The following PNPLA3 variants were observed in gnomAD, a reference collection of about 807,000 sequenced individuals.
PNPLA3 encodes 1-acylglycerol-3-phosphate O-acyltransferase PNPLA3.
Under a neutral mutation model 43.1 loss-of-function variants are expected in PNPLA3, and 42 were observed. The observed-to-expected ratio is 0.97, with a 90% CI of 0.76 to 1.26. PNPLA3 has a LOEUF of 1.26. Ranked by LOEUF, PNPLA3 falls within the 50% of genes most tolerant of loss-of-function variation. The probability of loss-of-function intolerance (pLI) is 0.00; values close to 1 mark genes in which losing one functional copy is unlikely to be tolerated. For synonymous variants in PNPLA3, 272 were observed against 253.6 expected (o/e 1.07, Z -0.69); for missense variants, 647 against 621.4 (o/e 1.04, Z -0.44).
At chr22:43,929,599 C>CTTT (rs201016637) in intron 3 of PNPLA3, among the ~76,000 whole-genome samples, 1 of 128,752 alleles carries the variant, frequency 7.8e-6, no homozygotes, top group African/African-American at 2.9e-5. Context: ...TTTTTCTTTT[C>CTTT]TTTTTTTTTT....
intron 3 of PNPLA3, 99 bp from the exon 4 acceptor site, chr22:43,932,779 G>A: frequency 9.5e-7 from 1 of 1,050,972 alleles, no homozygotes; most frequent in Non-Finnish European, 1.5e-6. Context: ...CCTGTTTGTG[G>A]CTCTGAGAAG....
chr22:43,926,456 A>G (rs905926886), intron 1 of PNPLA3, among the ~76,000 whole-genome samples: 15 of 152,108 alleles, frequency 9.9e-5, no homozygotes, highest in Non-Finnish European at 1.5e-4. Flanking sequence ...CCTGGCCTCT[A>G]TGTGGGGCAT....
At chr22:43,925,804 G>T (rs2049918349) in intron 1 of PNPLA3, among the ~76,000 whole-genome samples, 1 of 152,224 alleles carries the variant, frequency 6.6e-6, no homozygotes, top group African/African-American at 2.4e-5. Flanking sequence ...TCCCAAGGTG[G>T]CCTGTGGACA....
At chr22:43,932,768 G>A (rs1276790008) in intron 3 of PNPLA3, 110 bp from the exon 4 acceptor site, 4 of 915,666 alleles carry the variant, frequency 4.4e-6, no homozygotes, top group Non-Finnish European at 7.0e-6. Flanking sequence ...CTCCATATCA[G>A]CCTGTTTGTG....
chr22:43,925,470 G>A (rs1331114809), intron 1 of PNPLA3, among the ~76,000 whole-genome samples: 2 of 152,134 alleles, frequency 1.3e-5, no homozygotes, highest in African/African-American at 4.8e-5. Context: ...CCAGGCAGGA[G>A]ATTATGCCCC....
intron 8 of PNPLA3, among the ~76,000 whole-genome samples, chr22:43,945,312 C>A (rs1237853529): frequency 1.3e-5 from 2 of 152,178 alleles, no homozygotes; most frequent in African/African-American, 2.4e-5. Context: ...GGGGTGAAGC[C>A]TAGCAGTCTG....
rs758998325 is a variant in PNPLA3 at position 43,923,901 on chromosome 22, C to T, written c.-11C>T. The T allele has an allele frequency of 1.0e-5, 15 of 1,507,440 alleles. No homozygotes were observed. The Admixed American group carries it at 2.9e-4, about 29-fold the overall frequency. 93.4% of individuals were successfully genotyped at this position (1,507,440 alleles called of 1,614,324 possible). A position where few individuals can be genotyped will look rare whatever the true frequency, so the allele number is the denominator to read the frequency against. On this transcript the variant is annotated 5_prime_UTR_variant, in exon 1 of 9. Transcript: ENST00000216180. ...GATCCTAACCCGCGCCCCCGCCCCG[C>T]CGCCGCCGCCATGTACGACGCAGAG... is the stretch of plus-strand genomic sequence containing the variant.
chr22:43,942,346 G>A (rs1603417291), intron 7 of PNPLA3, among the ~76,000 whole-genome samples: 2 of 152,260 alleles, frequency 1.3e-5, no homozygotes, highest in East Asian at 1.9e-4. Context: ...GGAAGAAAAC[G>A]TTTGACTTTA....
chr22:43,931,886 C>T (rs183491545), intron 3 of PNPLA3, among the ~76,000 whole-genome samples: 1 of 152,296 alleles, frequency 6.6e-6, no homozygotes, highest in African/African-American at 2.4e-5. Context: ...GGAAATGTTG[C>T]TGTGTAAACT....
intron 2 of PNPLA3, 61 bp downstream of exon 2, chr22:43,927,228 G>A (rs2094925082): frequency 2.0e-6 from 3 of 1,493,840 alleles, no homozygotes; most frequent in Non-Finnish European, 2.8e-6. Flanking sequence ...GATGGGTGTG[G>A]TGGCTCATGC....
At chr22:43,944,931 T>C in intron 8 of PNPLA3, 136 bp downstream of exon 8, 2 of 744,626 alleles carry the variant, frequency 2.7e-6, no homozygotes, top group East Asian at 2.6e-5. Context: ...CCCTGTCTCA[T>C]GGGAGGCAGC....
At chr22:43,935,072 C>T (rs1003590235) in intron 5 of PNPLA3, among the ~76,000 whole-genome samples, 2 of 152,170 alleles carry the variant, frequency 1.3e-5, no homozygotes, top group African/African-American at 2.4e-5. Context: ...TCAGATTTCT[C>T]ATCTCCAGTC....
In PNPLA3 at chr22:43,928,107, A is replaced by T. The variant is rs557175848; in HGVS notation, c.421-717A>T. ...ACCAAAACACCATTAAATTCAGCTG[A>T]TGCTTTCATAAGCGCTCCTTGGAGG... On this transcript the variant is annotated intron_variant, in intron 2 of 8. Coordinates refer to ENST00000216180, the MANE Select transcript of PNPLA3 (RefSeq NM_025225.3). Among the ~76,000 whole-genome samples the T allele has an allele frequency of 1.7e-3, 259 of 152,340 alleles. 1 individual carries two copies. The highest frequency in any genetic ancestry group is 2.9e-3 in the Non-Finnish European group (196 of 68,034).
rs146578673 is a variant in PNPLA3, at chr22:43,947,300, G to A, written c.*918G>A. ...CTTGAACCCAGGAGGCGGAGGTTGC[G>A]GTGAGCTGAGATTGCACCATTTCAT... On this transcript the variant is annotated 3_prime_UTR_variant, in exon 9 of 9. Coordinates refer to ENST00000216180, the MANE Select transcript of PNPLA3 (RefSeq NM_025225.3). 210 of 153,222 alleles carry A rather than the reference G, an allele frequency of 1.4e-3. No homozygotes were observed. Among genetic ancestry groups the A allele is most frequent in the Non-Finnish European group, 2.4e-3 (168 of 68,982 alleles). 9.5% of individuals were successfully genotyped at this position (153,222 alleles called of 1,614,324 possible).
chr22:43,924,498 G>C (rs2049908673), intron 1 of PNPLA3, among the ~76,000 whole-genome samples: 2 of 152,144 alleles, frequency 1.3e-5, no homozygotes, highest in African/African-American at 4.8e-5. Flanking sequence ...GTGTCCTCTC[G>C]GGAGGGGCTG....
chr22:43,933,720 C>T (rs143904649), intron 4 of PNPLA3, among the ~76,000 whole-genome samples: 3 of 152,326 alleles, frequency 2.0e-5, no homozygotes, highest in Non-Finnish European at 2.9e-5. Context: ...CAACTGCGTT[C>T]GGTAGTTTAA....
intron 2 of PNPLA3, among the ~76,000 whole-genome samples, chr22:43,927,881 A>G (rs2049935365): frequency 6.6e-6 from 1 of 152,248 alleles, no homozygotes; most frequent in Admixed American, 6.5e-5. Context: ...TTACAATTTC[A>G]AATAATTCCT....
At position 43,928,830 on chromosome 22, in the gene PNPLA3, G is replaced by T. The variant is rs763850644; in HGVS notation, c.427G>T (p.Val143Leu). ...CTCTCCTTTGCTTTCACAGGCCTTG[G>T]TATGTTCCTGCTTCATCCCCTTCTA... ...RSKDEVVDAL[V>L]CSCFIPFYSG... The change falls in exon 3 of 9, where the codon GTA becomes TTA. Residue 143 changes from valine (V) to leucine (L), a missense_variant. Transcript: ENST00000216180. 1 of 1,610,206 alleles carries T rather than the reference G, an allele frequency of 6.2e-7. No individual in the cohort carries two copies. Among genetic ancestry groups the T allele is most frequent in the Non-Finnish European group, 8.5e-7 (1 of 1,176,578 alleles).
rs137916527 is a variant in PNPLA3 at position 43,926,968 on chromosome 22, G to A, written c.221G>A (p.Arg74Gln). ...CTGCAGGTCCTCTCAGATCTTGTGC[G>A]GAAGGCCAGGAGTCGGAACATTGGC... The part of the protein sequence containing the change: ...QTLQVLSDLV[R>Q]KARSRNIGIF... The change falls in exon 2 of 9, where the codon CGG (arginine) becomes CAG (glutamine). Residue 74 changes from arginine (R) to glutamine (Q), a missense_variant. Physicochemically the swap from Arg to Gln is conservative, Grantham distance 43 (BLOSUM62 1). Transcript: ENST00000216180. 21 of 1,614,050 alleles carry A rather than the reference G, an allele frequency of 1.3e-5. No homozygotes were observed. The highest frequency in any genetic ancestry group is 6.6e-5 in the South Asian group (6 of 91,086).
Sources: gnomAD v4.1 joint callset for allele counts (sites outside exome capture counted in the v4.1 genomes callset) on GRCh38, gnomAD v4.1.1 for gene constraint, MANE v1.5 for transcripts, NCBI Gene and HGNC (gene_info 2026-07-23, HGNC 2026-07-21) for gene names.